Variants in GABRA3 observed in about 807,000 individuals in gnomAD.
GABRA3 encodes the protein gamma-aminobutyric acid receptor subunit alpha-3.
A neutral mutation model predicts 30.1 loss-of-function variants in GABRA3; 10 were observed. The observed-to-expected ratio is 0.33, with a 90% CI of 0.20 to 0.56. GABRA3 has a LOEUF of 0.56. Ranked by LOEUF, GABRA3 falls within the 20% of genes least tolerant of loss-of-function variation. The probability of loss-of-function intolerance (pLI) is 0.89; values close to 1 mark genes in which losing one functional copy is unlikely to be tolerated. For synonymous variants in GABRA3, 151 were observed against 146.8 expected (o/e 1.03, Z -0.21); for missense variants, 233 against 392.0 (o/e 0.59, Z 3.42).
Position 152,208,104 on chromosome X carries a change from G to A in GABRA3, c.675C>T (p.Leu225=), listed in dbSNP as rs1262120355. 6 of 1,210,502 alleles carry A rather than the reference G, an allele frequency of 5.0e-6. No individual in the cohort carries two copies. Among genetic ancestry groups the A allele is most frequent in the East Asian group, 3.0e-5 (1 of 33,838 alleles). Reference sequence around the variant, plus strand: ...CCACTTCCACGGATTTGTTCTTTCCGAGAGTCCAAGAATAAACCACTTCAG... The same window carrying A: ...CCACTTCCACGGATTTGTTCTTTCCAAGAGTCCAAGAATAAACCACTTCAG... The part of the protein sequence containing the change: ...TTAEVVYSWT[L]GKNKSVEVAQ... Residue 225 remains leucine (L), a synonymous_variant, in exon 7 of 10, where the codon CTC becomes CTT. Transcript: ENST00000370314.
At chrX:152,366,472 A>G (rs1288256176) in intron 1 of GABRA3, among the ~76,000 whole-genome samples, 1 of 112,249 alleles carries the variant, frequency 8.9e-6, no homozygotes, top group Admixed American at 9.5e-5. Context: ...CTACTATATC[A>G]CTATGGGTTA....
At chrX:152,427,190 G>T (rs1168025634) in intron 1 of GABRA3, among the ~76,000 whole-genome samples, 1 of 111,254 alleles carries the variant, frequency 9.0e-6, no homozygotes, top group Non-Finnish European at 1.9e-5. Flanking sequence ...ATTGCCTGCT[G>T]CCAGAATCAG....
chrX:152,320,779 G>A (rs1224822873), intron 3 of GABRA3, among the ~76,000 whole-genome samples: 3 of 111,162 alleles, frequency 2.7e-5, no homozygotes, highest in Non-Finnish European at 5.7e-5. Flanking sequence ...ACAAATGGAA[G>A]GATATCCAGC....
At chrX:152,228,900 G>A (rs751291851) in intron 5 of GABRA3, among the ~76,000 whole-genome samples, 4 of 111,160 alleles carry the variant, frequency 3.6e-5, no homozygotes, top group Non-Finnish European at 7.6e-5. Context: ...GATTTATAGG[G>A]TGGTAGGAGG....
At chrX:152,301,526 GT>G (rs762214417) in intron 3 of GABRA3, among the ~76,000 whole-genome samples, 2 of 111,158 alleles carry the variant, frequency 1.8e-5, no homozygotes, top group Admixed American at 9.6e-5. Context: ...CTTGTCCTAT[GT>G]TTTTTTGTTT....
chrX:152,367,051 T>C (rs5011762), intron 1 of GABRA3, among the ~76,000 whole-genome samples: 1,277 of 111,053 alleles, frequency 0.011, 18 homozygotes, highest in African/African-American at 0.04. Context: ...CACACAAATA[T>C]AACGCACATA....
chrX:152,398,397 A>T (rs1032889588), intron 1 of GABRA3, among the ~76,000 whole-genome samples: 1 of 110,252 alleles, frequency 9.1e-6, no homozygotes, highest in East Asian at 2.9e-4. Context: ...AACTTAAATA[A>T]CTTCTAACCT....
intron 4 of GABRA3, among the ~76,000 whole-genome samples, chrX:152,257,322 T>C (rs929438548): frequency 8.9e-6 from 1 of 112,003 alleles, no homozygotes; most frequent in Non-Finnish European, 1.9e-5. Flanking sequence ...TCCCAAAATC[T>C]GAGTATAACA....
At chrX:152,304,890 GC>G (rs1035686125) in intron 3 of GABRA3, among the ~76,000 whole-genome samples, 7 of 111,159 alleles carry the variant, frequency 6.3e-5, no homozygotes, top group African/African-American at 2.3e-4. Context: ...TCTGTAGATT[GC>G]TTTGGGCAGT....
Position 152,326,162 on chromosome X carries a change from TA to T in GABRA3, c.262+19418del, listed in dbSNP as rs760750939. Among the ~76,000 whole-genome samples, 32 of 109,007 alleles carry T rather than the reference TA, an allele frequency of 2.9e-4. No homozygotes were observed. In the South Asian group the frequency reaches 0.011, roughly 39 times the overall value. 94.7% of individuals were successfully genotyped at this position (109,007 alleles called of 115,157 possible). A position where few individuals can be genotyped will look rare whatever the true frequency, so the allele number is the denominator to read the frequency against. On this transcript the variant is annotated intron_variant, in intron 3 of 9. Transcript: ENST00000370314. ...GAAGAGAAGTTTAGAGAAAAAAGAG[TA>T]AAAAGAAATGAACAAAGCCTCCAAG...
At chrX:152,397,662 C>T (rs1426298502) in intron 1 of GABRA3, among the ~76,000 whole-genome samples, 2 of 111,745 alleles carry the variant, frequency 1.8e-5, no homozygotes, top group Non-Finnish European at 3.8e-5. Flanking sequence ...TTTGCCTCGA[C>T]CATTAACCTT....
At chrX:152,197,055 A>G (rs753058977) in intron 8 of GABRA3, among the ~76,000 whole-genome samples, 2 of 112,052 alleles carry the variant, frequency 1.8e-5, no homozygotes, top group South Asian at 3.8e-4. Context: ...AATGTTTTGT[A>G]TGTTTTAAGT....
chrX:152,266,508 C>A (rs1454538963), intron 4 of GABRA3, among the ~76,000 whole-genome samples: 2 of 111,382 alleles, frequency 1.8e-5, no homozygotes, highest in African/African-American at 3.3e-5. Context: ...AATTCTATAG[C>A]CAAACTTAGA....
chrX:152,312,444 C>A (rs750389372), intron 3 of GABRA3, among the ~76,000 whole-genome samples: 1 of 111,482 alleles, frequency 9.0e-6, no homozygotes, highest in South Asian at 3.7e-4. Flanking sequence ...TGCAGAAGAT[C>A]GAAACTATAC....
At chrX:152,332,264 C>T (rs1343653496) in intron 3 of GABRA3, among the ~76,000 whole-genome samples, 1 of 112,108 alleles carries the variant, frequency 8.9e-6, no homozygotes, top group East Asian at 2.8e-4. Context: ...ATTAATATGG[C>T]TTCTCTCTTC....
At chrX:152,304,270 A>G (rs1022451297) in intron 3 of GABRA3, among the ~76,000 whole-genome samples, 2 of 112,082 alleles carry the variant, frequency 1.8e-5, no homozygotes, top group Non-Finnish European at 3.8e-5. Context: ...CTCTGTTGAT[A>G]ATTTTTTCTT....
At chrX:152,199,317 G>C (rs1473188673) in intron 7 of GABRA3, among the ~76,000 whole-genome samples, 1 of 104,078 alleles carries the variant, frequency 9.6e-6, no homozygotes, top group Non-Finnish European at 2.0e-5. Flanking sequence ...AGTGAGCCAA[G>C]GTCGTGCCAC....
At chrX:152,361,702 T>C (rs1170653302) in intron 2 of GABRA3, among the ~76,000 whole-genome samples, 2 of 109,899 alleles carry the variant, frequency 1.8e-5, no homozygotes, top group Non-Finnish European at 3.8e-5. Context: ...GGCTGGCCTT[T>C]AACTCCTGGG....
chrX:152,205,617 G>C (rs1208735863), intron 7 of GABRA3, among the ~76,000 whole-genome samples: 3 of 111,714 alleles, frequency 2.7e-5, no homozygotes, highest in Non-Finnish European at 5.6e-5. Flanking sequence ...CTGACAGGAA[G>C]GCTTTTCACT....
Sources: allele counts gnomAD v4.1 joint callset (sites outside exome capture counted in the v4.1 genomes callset), GRCh38; gene constraint gnomAD v4.1.1; transcripts MANE v1.5; gene names NCBI Gene and HGNC (gene_info 2026-07-23, HGNC 2026-07-21).